SH3PXD2A: variants seen among roughly 807,000 people sequenced by gnomAD.
SH3PXD2A encodes SH3 and PX domains 2A, also known as SH3 and PX domain-containing protein 2A.
A neutral mutation model predicts 115.2 loss-of-function variants in SH3PXD2A; 32 were observed. The ratio of observed to expected loss-of-function variants is 0.28; its 90% CI spans 0.21 to 0.37. SH3PXD2A has a LOEUF of 0.37. Ranked by LOEUF, SH3PXD2A falls within the 10% of genes least tolerant of loss-of-function variation. The pLI is 1.00. For synonymous variants in SH3PXD2A, 610 were observed against 629.1 expected, an observed-to-expected ratio of 0.97 and a Z score of 0.45; for missense variants, 1,328 against 1,498.7, an observed-to-expected ratio of 0.89 and a Z score of 1.88.
At chr10:103,646,887 G>T (rs2037043603) in intron 8 of SH3PXD2A, among the ~76,000 whole-genome samples, 1 of 152,186 alleles carries the variant, frequency 6.6e-6, no homozygotes, top group African/African-American at 2.4e-5. Context: ...TTAACAGGAA[G>T]ATCCAAGTAC....
intron 8 of SH3PXD2A, among the ~76,000 whole-genome samples, chr10:103,630,089 A>G (rs2036756213): frequency 6.6e-6 from 1 of 152,236 alleles, no homozygotes; most frequent in Non-Finnish European, 1.5e-5. Flanking sequence ...TTCTGAACCC[A>G]GCATGGAGCA....
chr10:103,724,863 C>T (rs546174237), intron 4 of SH3PXD2A, among the ~76,000 whole-genome samples: 13 of 152,276 alleles, frequency 8.5e-5, no homozygotes, highest in African/African-American at 3.1e-4. Flanking sequence ...TCTGCAGGAA[C>T]CCTGAGGGAA....
chr10:103,608,218 A>C (rs546012403), intron 13 of SH3PXD2A, among the ~76,000 whole-genome samples: 211 of 147,882 alleles, frequency 1.4e-3, no homozygotes, highest in South Asian at 6.9e-3. Context: ...CACCACGTGA[A>C]GCCTGGAGTC....
At chr10:103,732,639 C>T (rs951547956) in intron 4 of SH3PXD2A, among the ~76,000 whole-genome samples, 2 of 152,180 alleles carry the variant, frequency 1.3e-5, no homozygotes, top group Non-Finnish European at 2.9e-5. Flanking sequence ...TGCAGGGAGC[C>T]GGCTGCTCTG....
At chr10:103,761,704 G>C (rs1233863071) in intron 3 of SH3PXD2A, among the ~76,000 whole-genome samples, 1 of 152,186 alleles carries the variant, frequency 6.6e-6, no homozygotes, top group East Asian at 1.9e-4. Flanking sequence ...CCGAGGGAGA[G>C]GCTGGACCTC....
chr10:103,602,222 C>G lies in SH3PXD2A; in HGVS notation c.2996G>C (p.Arg999Thr). ...ATCAGTGGCCGTGAGTGACTCATTC[C>G]TCCGCAGGGCGCAGGACAGGTTGTT... The part of the protein sequence containing the change: ...KDNNLSCALR[R>T]NESLTATDGL... The change falls in exon 15 of 15, where the codon AGG becomes ACG. Residue 999 changes from arginine (R) to threonine (T), a missense_variant. By Grantham distance (71) the Arg-to-Thr change is moderately conservative. This residue lies in a region of SH3PXD2A where 574 missense variants were observed against 565.7 expected (regional missense o/e 1.01). Coordinates refer to ENST00000369774, the MANE Select transcript of SH3PXD2A (RefSeq NM_001394015.1). 6.3e-7 allele frequency: 1 copy of G among 1,597,044 alleles called. No individual in the cohort carries two copies. Among genetic ancestry groups the G allele is most frequent in the Non-Finnish European group, 8.5e-7 (1 of 1,170,760 alleles).
Position 103,855,213 on chromosome 10 carries a change from C to T in SH3PXD2A, c.54G>A (p.Arg18=), listed in dbSNP as rs1413868462. The T allele has an allele frequency of 1.3e-6, 2 of 1,538,530 alleles. No homozygotes were observed. The highest frequency in any genetic ancestry group is 1.8e-6 in the Non-Finnish European group (2 of 1,140,858). ...TACTCACGTAGTGCTTGGAGGGGTT[C>T]CTCCGCTTCTCCACGTCCACCACGG... ...DATVVDVEKR[R]NPSKHYVYII... The change falls in exon 1 of 15, where the codon AGG becomes AGA. Residue 18 remains arginine, a synonymous_variant. Coordinates refer to ENST00000369774, the MANE Select transcript of SH3PXD2A (RefSeq NM_001394015.1).
intron 6 of SH3PXD2A, among the ~76,000 whole-genome samples, chr10:103,674,380 T>C (rs1184773565): frequency 6.6e-6 from 1 of 152,224 alleles, no homozygotes; most frequent in Non-Finnish European, 1.5e-5. Flanking sequence ...ACAAAGTAGT[T>C]TGGCCTATGT....
chr10:103,823,821 G>A (rs2039403787), intron 1 of SH3PXD2A, among the ~76,000 whole-genome samples: 1 of 152,220 alleles, frequency 6.6e-6, no homozygotes, highest in South Asian at 2.1e-4. Context: ...GGTGCCTGCA[G>A]ACATGGCTGA....
At chr10:103,817,724 T>C (rs907440040) in intron 1 of SH3PXD2A, among the ~76,000 whole-genome samples, 1 of 152,226 alleles carries the variant, frequency 6.6e-6, no homozygotes, top group African/African-American at 2.4e-5. Flanking sequence ...TATGGAATAT[T>C]ATTCAGTTAT....
intron 5 of SH3PXD2A, among the ~76,000 whole-genome samples, chr10:103,704,845 G>A (rs750722854): frequency 1.6e-4 from 24 of 152,086 alleles, no homozygotes; most frequent in East Asian, 5.8e-4. Context: ...TGTGAGGCCC[G>A]AGACATGGGT....
intron 8 of SH3PXD2A, among the ~76,000 whole-genome samples, chr10:103,640,300 G>T (rs2036934827): frequency 6.7e-6 from 1 of 149,844 alleles, no homozygotes; most frequent in South Asian, 2.1e-4. Context: ...GGGTGACAGA[G>T]CGTGACTCCA....
chr10:103,793,451 A>G (rs1208450566), intron 2 of SH3PXD2A, among the ~76,000 whole-genome samples: 6 of 152,196 alleles, frequency 3.9e-5, no homozygotes, highest in African/African-American at 1.4e-4. Context: ...CTGCTGTACT[A>G]AGTGCTGTGA....
intron 1 of SH3PXD2A, among the ~76,000 whole-genome samples, chr10:103,852,870 T>C (rs1842909030): frequency 6.8e-6 from 1 of 148,080 alleles, no homozygotes; most frequent in African/African-American, 2.4e-5. Flanking sequence ...CAACTGGACT[T>C]AGGGTACATG....
intron 13 of SH3PXD2A, among the ~76,000 whole-genome samples, chr10:103,607,242 G>C (rs1184339323): frequency 6.6e-6 from 1 of 151,596 alleles, no homozygotes; most frequent in Non-Finnish European, 1.5e-5. Flanking sequence ...TGGGAAGTGA[G>C]GAGACTCTCC....
chr10:103,715,428 A>G lies in SH3PXD2A; in HGVS notation c.398+8842T>C, dbSNP rs552684669. ...TTAGCCTACGCGGTCCCTGGCATAC[A>G]GCTGGCACTCAGTAACTACCTGCAG... On this transcript the variant is annotated intron_variant, in intron 5 of 14. Coordinates refer to ENST00000369774, the MANE Select transcript of SH3PXD2A (RefSeq NM_001394015.1). Among the ~76,000 whole-genome samples the G allele has an allele frequency of 3.9e-5, 6 of 152,326 alleles. No individual in the cohort carries two copies. The South Asian group carries it at 1.0e-3, about 26-fold the overall frequency.
intron 2 of SH3PXD2A, among the ~76,000 whole-genome samples, chr10:103,790,547 G>A (rs1251333959): frequency 2.0e-5 from 3 of 152,158 alleles, no homozygotes; most frequent in Non-Finnish European, 4.4e-5. Context: ...GTCACTTGCT[G>A]TGATCTTGGA....
At chr10:103,741,790 T>C (rs1027622193) in intron 3 of SH3PXD2A, among the ~76,000 whole-genome samples, 2 of 152,070 alleles carry the variant, frequency 1.3e-5, no homozygotes, top group African/African-American at 4.8e-5. Context: ...GAAAGGAAGG[T>C]GGGAGGCAGT....
chr10:103,633,283 G>GCCCCC (rs2133968922), intron 8 of SH3PXD2A, among the ~76,000 whole-genome samples: 1 of 152,140 alleles, frequency 6.6e-6, no homozygotes, highest in South Asian at 2.1e-4. Context: ...AGGTGTAGTG[G>GCCCCC]CCCATGCCTG....
Sources: allele counts gnomAD v4.1 joint callset (sites outside exome capture counted in the v4.1 genomes callset), GRCh38; gene constraint gnomAD v4.1.1; regional missense constraint gnomAD v4.1.1; transcripts MANE v1.5; gene names NCBI Gene and HGNC (gene_info 2026-07-23, HGNC 2026-07-21).